MARK2: variants seen among roughly 807,000 people sequenced by gnomAD.
The protein encoded by MARK2 is microtubule affinity regulating kinase 2.
Under a neutral mutation model 89.8 loss-of-function variants are expected in MARK2, and 16 were observed. The ratio of observed to expected loss-of-function variants is 0.18; its 90% confidence interval spans 0.12 to 0.27. MARK2 has a LOEUF of 0.27. MARK2 is among the 10% of genes least tolerant of loss of function. The pLI, the probability that MARK2 is intolerant of heterozygous loss-of-function variation, is 1.00. For synonymous variants in MARK2, 382 were observed against 399.5 expected (o/e 0.96, Z 0.52); for missense variants, 621 against 1,049.9 (o/e 0.59, Z 5.65).
At position 63,874,842 on chromosome 11, in the gene MARK2, C is replaced by G. The variant is rs554376426; in HGVS notation, c.55-20317C>G. Among the ~76,000 whole-genome samples the G allele has an allele frequency of 2.6e-4, 39 of 152,090 alleles. No individual in the cohort carries two copies. The East Asian group carries it at 7.5e-3, about 29-fold the overall frequency. ...GTAGAGTGGAGATACCAGCAGGAAT[C>G]CTGGTCCACGAAGAAAGGTAAATGG... On this transcript the variant is annotated intron_variant, in intron 1 of 18. Transcript: ENST00000402010.
In MARK2 at chr11:63,904,109, G is replaced by A; in HGVS notation, c.1638G>A (p.Leu546=). The part of the protein sequence containing the change: ...ASVHPNKASG[L]PPTESNCEVP... ...TGCACCCCAACAAGGCCTCTGGGCT[G>A]CCCCCCACGGAGAGTAACTGTGAGG... Residue 546 remains leucine, a synonymous_variant, in exon 15 of 19, where the codon CTG becomes CTA. Transcript: ENST00000402010. The surrounding 1 kb of genome is among the most constrained non-coding windows in gnomAD (Gnocchi z 6.3). 6.3e-7 allele frequency: 1 copy of A among 1,598,676 alleles called. No individual in the cohort carries two copies. Among genetic ancestry groups the A allele is most frequent in the Non-Finnish European group, 8.5e-7 (1 of 1,176,984 alleles).
At chr11:63,895,049 C>T in intron 1 of MARK2, 110 bp from the exon 2 acceptor site, 1 of 812,730 alleles carries the variant, frequency 1.2e-6, no homozygotes, top group South Asian at 1.7e-5. Flanking sequence ...CACATGCCTA[C>T]CAGCCCCCTG....
chr11:63,901,473 C>CTTTTT (rs35231498), intron 11 of MARK2, among the ~76,000 whole-genome samples: 1,665 of 57,674 alleles, frequency 0.029, 344 homozygotes, highest in African/African-American at 0.066. Flanking sequence ...GAGTCTGTTG[C>CTTTTT]TTTTTTTTTT....
rs896979617 is a variant in MARK2 at position 63,890,358 on chromosome 11, G to C, written c.55-4801G>C. ...AGTTGGATGGTTCAGTCCCGAAAAG[G>C]GGGTTGGTGACTTTGGAGCAGGGGA... On this transcript the variant is annotated intron_variant, in intron 1 of 18. Coordinates refer to ENST00000402010, the MANE Select transcript of MARK2 (RefSeq NM_001039469.3). 4 of 1,062,954 alleles carry C rather than the reference G, an allele frequency of 3.8e-6. No homozygotes were observed. The African/African-American group carries it at 6.5e-5, about 17-fold the overall frequency. The allele number at this position is 1,062,954 out of a possible 1,614,324, so 65.8% of individuals were successfully genotyped here.
rs1940983882 is a variant in MARK2 at position 63,902,543 on chromosome 11, G to T, written c.1235-58G>T. The T allele has an allele frequency of 1.3e-6, 2 of 1,520,088 alleles. No individual in the cohort carries two copies. The allele number at this position is 1,520,088 out of a possible 1,614,324, so 94.2% of individuals were successfully genotyped here. A position where few individuals can be genotyped will look rare whatever the true frequency, so the allele number is the denominator to read the frequency against. On this transcript the variant is annotated intron_variant, in intron 12 of 18. Transcript: ENST00000402010. This position sits in a 1 kb window ranked among gnomAD's most constrained non-coding sequence, Gnocchi z 4.2. ...GCCCTGTAGGAAATGAGCATGCGTG[G>T]GGCTGGCACTCAGTGGACCCCTTGG... is the stretch of plus-strand genomic sequence containing the variant.
At chr11:63,841,718 T>A (rs111762142) in intron 1 of MARK2, among the ~76,000 whole-genome samples, 5,205 of 152,300 alleles carry the variant, frequency 0.034, 298 homozygotes, top group African/African-American at 0.12. Context: ...GTGCCTACTC[T>A]CAGTGAGGCT....
At position 63,908,896 on chromosome 11, in the gene MARK2, G is replaced by T; in HGVS notation, c.2026G>T (p.Gly676Cys). 6.6e-7 allele frequency: 1 copy of T among 1,509,320 alleles called. No homozygotes were observed. The highest frequency in any genetic ancestry group is 8.9e-7 in the Non-Finnish European group (1 of 1,122,862). The allele number at this position is 1,509,320 out of a possible 1,614,324, so 93.5% of individuals were successfully genotyped here. Reference sequence around the variant, plus strand: ...CCACAGACCTCACGTGGTGGGCAGTGGCGGCAACGACAAAGAAAAGGAAGA... The same window carrying T: ...CCACAGACCTCACGTGGTGGGCAGTTGCGGCAACGACAAAGAAAAGGAAGA... ...ETLRPHVVGS[G>C]GNDKEKEEFR... Residue 676 changes from glycine to cysteine, a missense_variant, in exon 19 of 19, where the codon GGC becomes TGC. Coordinates refer to ENST00000402010, the MANE Select transcript of MARK2 (RefSeq NM_001039469.3).
chr11:63,894,093 G>A (rs1245789971), intron 1 of MARK2, among the ~76,000 whole-genome samples: 2 of 152,228 alleles, frequency 1.3e-5, no homozygotes, highest in East Asian at 3.8e-4. Flanking sequence ...GCAGAGCAGG[G>A]CAGACTGCTG....
Position 63,900,513 on chromosome 11 carries a change from T to C in MARK2, c.769-46T>C. The C allele has an allele frequency of 8.8e-6, 14 of 1,599,972 alleles. No homozygotes were observed. Among genetic ancestry groups the C allele is most frequent in the Non-Finnish European group, 1.2e-5 (14 of 1,172,470 alleles). Reference sequence around the variant, plus strand: ...ATCTTGGATATTAGGTTTCTTCCTTTGGCCTTGGGGTGATTTCAATTTTCT... The same window carrying C: ...ATCTTGGATATTAGGTTTCTTCCTTCGGCCTTGGGGTGATTTCAATTTTCT... On this transcript the variant is annotated intron_variant, in intron 8 of 18. Coordinates refer to ENST00000402010, the MANE Select transcript of MARK2 (RefSeq NM_001039469.3). The surrounding 1 kb of genome is among the most constrained non-coding windows in gnomAD (Gnocchi z 4.7).
intron 1 of MARK2, among the ~76,000 whole-genome samples, chr11:63,881,645 A>G (rs1290850825): frequency 1.3e-5 from 2 of 151,676 alleles, no homozygotes; most frequent in African/African-American, 2.4e-5. Context: ...GTATGGGGAC[A>G]CAAACAAGAA....
chr11:63,863,772 C>T (rs1228543993), intron 1 of MARK2, among the ~76,000 whole-genome samples: 1 of 150,620 alleles, frequency 6.6e-6, no homozygotes, highest in Admixed American at 6.6e-5. Flanking sequence ...CCGCCCCACA[C>T]CACCACCACT....
At chr11:63,863,773 C>T (rs1272279255) in intron 1 of MARK2, among the ~76,000 whole-genome samples, 4 of 150,972 alleles carry the variant, frequency 2.6e-5, no homozygotes, top group Non-Finnish European at 5.9e-5. Flanking sequence ...CGCCCCACAC[C>T]ACCACCACTT....
At chr11:63,854,952 GAAC>G (rs2016767998) in intron 1 of MARK2, among the ~76,000 whole-genome samples, 1 of 152,040 alleles carries the variant, frequency 6.6e-6, no homozygotes, top group Admixed American at 6.6e-5. Context: ...TTTCTTGAAA[GAAC>G]AACTGATGGA....
intron 1 of MARK2, among the ~76,000 whole-genome samples, chr11:63,878,389 CAG>C (rs1375156263): frequency 9.5e-6 from 1 of 105,594 alleles, no homozygotes; most frequent in African/African-American, 3.8e-5. Context: ...TTTTTTGAGA[CAG>C]AGTCTCTCTC....
At chr11:63,846,796 C>T (rs1297190186) in intron 1 of MARK2, among the ~76,000 whole-genome samples, 2 of 151,952 alleles carry the variant, frequency 1.3e-5, no homozygotes, top group Non-Finnish European at 2.9e-5. Context: ...GCTGGGACTA[C>T]AGGTGCCCGC....
At chr11:63,846,477 T>A (rs901990375) in intron 1 of MARK2, among the ~76,000 whole-genome samples, 1 of 151,122 alleles carries the variant, frequency 6.6e-6, no homozygotes, top group Non-Finnish European at 1.5e-5. Context: ...TGTCTCAGCC[T>A]CTTGAATAGC....
Position 63,898,642 on chromosome 11 carries a change from G to A in MARK2, c.372G>A (p.Thr124=), listed in dbSNP as rs755123048. ...KLFEVIETEK[T]LYLVMEYASG... ...TTGAAGTGATTGAGACTGAGAAAACGCTCTACCTTGTCATGGAGTACGCTA... is the reference window on the plus strand; with the variant it reads ...TTGAAGTGATTGAGACTGAGAAAACACTCTACCTTGTCATGGAGTACGCTA... Residue 124 remains threonine (T), a synonymous_variant, in exon 5 of 19, where the codon ACG becomes ACA. Transcript: ENST00000402010. The A allele has an allele frequency of 1.1e-5, 17 of 1,614,136 alleles. No individual in the cohort carries two copies. In the Admixed American group the frequency reaches 2.3e-4, roughly 22 times the overall value.
At chr11:63,880,414 T>G (rs1939019691) in intron 1 of MARK2, among the ~76,000 whole-genome samples, 1 of 152,122 alleles carries the variant, frequency 6.6e-6, no homozygotes, top group African/African-American at 2.4e-5. Flanking sequence ...GTCAGTACAT[T>G]GGTTCAAGTA....
In MARK2 at chr11:63,902,429, G is replaced by T; in HGVS notation, c.1234+99G>T. 6.6e-7 allele frequency: 1 copy of T among 1,523,800 alleles called. No homozygotes were observed. The highest frequency in any genetic ancestry group is 1.7e-5 in the Admixed American group (1 of 57,712). 94.4% of individuals were successfully genotyped at this position (1,523,800 alleles called of 1,614,324 possible). A position where few individuals can be genotyped will look rare whatever the true frequency, so the allele number is the denominator to read the frequency against. On this transcript the variant is annotated intron_variant, in intron 12 of 18. Transcript: ENST00000402010. This position sits in a 1 kb window ranked among gnomAD's most constrained non-coding sequence, Gnocchi z 4.2. ...GTAACACAACTAAGTTTCAGTCCTG[G>T]TTCAGCCACTTATTAGTAGTGTGGC...
Sources: gnomAD v4.1 joint callset for allele counts (sites outside exome capture counted in the v4.1 genomes callset) on GRCh38, gnomAD v4.1.1 for gene constraint, Gnocchi (gnomAD v3.1) non-coding constraint, MANE v1.5 for transcripts, NCBI Gene and HGNC (gene_info 2026-07-23, HGNC 2026-07-21) for gene names.